Variants in DIAPH2 observed in about 807,000 individuals in gnomAD.
The protein encoded by DIAPH2 is diaphanous related formin 2, also known as protein diaphanous homolog 2.
DIAPH2 carries 35 observed loss-of-function variants against 92.7 expected under a neutral mutation model. The observed-to-expected ratio is 0.38, with a 90% CI of 0.29 to 0.50. DIAPH2 has a LOEUF of 0.50. Ranked by LOEUF, DIAPH2 falls within the 20% of genes least tolerant of loss-of-function variation. The pLI is 0.94. For synonymous variants in DIAPH2, 301 were observed against 280.4 expected (o/e 1.07, Z -0.73); for missense variants, 701 against 819.5 (o/e 0.86, Z 1.77).
At chrX:96,812,871 C>G (rs1378492901) in intron 4 of DIAPH2, among the ~76,000 whole-genome samples, 2 of 111,993 alleles carry the variant, frequency 1.8e-5, no homozygotes, top group African/African-American at 3.3e-5. Flanking sequence ...TTTGATTGCA[C>G]TGTGGTCGGA....
intron 26 of DIAPH2, among the ~76,000 whole-genome samples, chrX:97,537,755 A>G (rs1263118218): frequency 8.9e-6 from 1 of 112,167 alleles, no homozygotes; most frequent in Non-Finnish European, 1.9e-5. Context: ...GCCAGCAGCC[A>G]TGTGAATGGA....
chrX:97,430,731 A>G (rs754753455), intron 26 of DIAPH2, among the ~76,000 whole-genome samples: 13 of 112,497 alleles, frequency 1.2e-4, no homozygotes, highest in African/African-American at 3.5e-4. Context: ...AAACCATTGT[A>G]TTGCAACAAA....
At chrX:97,529,831 A>G (rs751347531) in intron 26 of DIAPH2, among the ~76,000 whole-genome samples, 2 of 112,120 alleles carry the variant, frequency 1.8e-5, no homozygotes, top group East Asian at 2.8e-4. Flanking sequence ...GGGAAAAAAA[A>G]ATAGCCAAAG....
chrX:97,165,527 T>G (rs2147445463), intron 22 of DIAPH2, among the ~76,000 whole-genome samples: 1 of 111,503 alleles, frequency 9.0e-6, no homozygotes, highest in South Asian at 3.8e-4. Flanking sequence ...AGAGTCTCGC[T>G]CTGTCACCTA....
At chrX:96,783,050 T>C (rs2064430567) in intron 4 of DIAPH2, among the ~76,000 whole-genome samples, 1 of 112,059 alleles carries the variant, frequency 8.9e-6, no homozygotes, top group African/African-American at 3.2e-5. Context: ...ATGCGTACGA[T>C]CAGTGAAATC....
intron 5 of DIAPH2, chrX:96,883,807 T>A (rs1302476332): frequency 8.6e-6 from 1 of 116,849 alleles, no homozygotes; most frequent in Non-Finnish European, 1.8e-5. Flanking sequence ...AAGCACTTTG[T>A]GCTCCTAAAA....
At chrX:97,399,358 T>C (rs2069733729) in intron 25 of DIAPH2, among the ~76,000 whole-genome samples, 1 of 111,598 alleles carries the variant, frequency 9.0e-6, no homozygotes, top group Admixed American at 9.5e-5. Flanking sequence ...ATTCAAGGAG[T>C]ACCCAGTTTT....
At chrX:97,450,582 C>T (rs903333924) in intron 26 of DIAPH2, among the ~76,000 whole-genome samples, 4 of 111,313 alleles carry the variant, frequency 3.6e-5, no homozygotes, top group African/African-American at 9.8e-5. Context: ...AGGCTGTTTT[C>T]GGTCTGAGAC....
intron 23 of DIAPH2, among the ~76,000 whole-genome samples, chrX:97,327,788 C>T (rs908218232): frequency 8.9e-6 from 1 of 112,008 alleles, no homozygotes; most frequent in Non-Finnish European, 1.9e-5. Flanking sequence ...GTTGGCCAGG[C>T]TGGTCTCAAA....
At chrX:97,399,579 A>C (rs760689834) in intron 25 of DIAPH2, among the ~76,000 whole-genome samples, 14 of 111,951 alleles carry the variant, frequency 1.3e-4, no homozygotes, top group Non-Finnish European at 2.3e-4. Flanking sequence ...TTGCACTGTC[A>C]TGCTCCTCCT....
At chrX:96,876,980 TA>T (rs1219468425) in intron 4 of DIAPH2, among the ~76,000 whole-genome samples, 1 of 111,706 alleles carries the variant, frequency 9.0e-6, no homozygotes, top group African/African-American at 3.2e-5. Flanking sequence ...GATTTTAATA[TA>T]TTTTTTATAT....
intron 22 of DIAPH2, among the ~76,000 whole-genome samples, chrX:97,224,072 T>TA (rs2067947299): frequency 8.9e-6 from 1 of 111,954 alleles, no homozygotes; most frequent in African/African-American, 3.2e-5. Context: ...CCCCAATTGT[T>TA]AATTGTCAGT....
intron 26 of DIAPH2, among the ~76,000 whole-genome samples, chrX:97,454,724 G>A (rs969764157): frequency 9.1e-6 from 1 of 110,278 alleles, no homozygotes; most frequent in Admixed American, 9.7e-5. Context: ...GTGTGGTGGT[G>A]CACGCCTGTA....
intron 17 of DIAPH2, among the ~76,000 whole-genome samples, chrX:96,995,638 T>C (rs2066099740): frequency 8.9e-6 from 1 of 111,736 alleles, no homozygotes; most frequent in South Asian, 3.7e-4. Context: ...AAGGAGACAG[T>C]TGACAAATGA....
At chrX:96,803,903 G>T (rs1276822560) in intron 4 of DIAPH2, among the ~76,000 whole-genome samples, 1 of 111,231 alleles carries the variant, frequency 9.0e-6, no homozygotes, top group Non-Finnish European at 1.9e-5. Flanking sequence ...GCCGGGCACG[G>T]TGGCACGCGC....
In DIAPH2 at chrX:97,228,988, T is replaced by A. The variant is rs757908862; in HGVS notation, c.2720-18727T>A. Among the ~76,000 whole-genome samples, 3 of 111,583 alleles carry A rather than the reference T, an allele frequency of 2.7e-5. No individual in the cohort carries two copies. The South Asian group carries it at 1.2e-3, about 44-fold the overall frequency. ...GTCCATCTATGTATAGCTGAGTCCA[T>A]GTGTGTGCCAAAAGGGCACAGGTGC... On this transcript the variant is annotated intron_variant, in intron 22 of 26. Transcript: ENST00000324765.
chrX:96,700,067 G>A lies in DIAPH2; in HGVS notation c.132+14877G>A, dbSNP rs778279212. On this transcript the variant is annotated intron_variant, in intron 1 of 26. Transcript: ENST00000324765. Reference sequence around the variant, plus strand: ...TCTACTGCCCAGGCTAGAGTGCAGTGGCGCAATCATGGCTCACTGCAGCCT... The same window carrying A: ...TCTACTGCCCAGGCTAGAGTGCAGTAGCGCAATCATGGCTCACTGCAGCCT... 1.3e-4 allele frequency among the ~76,000 whole-genome samples: 15 copies of A among 111,762 alleles called. No homozygotes were observed. In the East Asian group the frequency reaches 4.2e-3, roughly 32 times the overall value.
chrX:97,545,536 AT>A (rs376607759), intron 26 of DIAPH2, among the ~76,000 whole-genome samples: 1,430 of 71,910 alleles, frequency 0.02, 30 homozygotes, highest in African/African-American at 0.061. Flanking sequence ...AAAAAAAAAT[AT>A]ATATATATAT....
At chrX:97,372,139 T>C (rs2069453169) in intron 24 of DIAPH2, among the ~76,000 whole-genome samples, 1 of 112,359 alleles carries the variant, frequency 8.9e-6, no homozygotes, top group African/African-American at 3.2e-5. Context: ...TCTAATGGAC[T>C]GTGACGGGAG....
Sources: allele counts gnomAD v4.1 joint callset (sites outside exome capture counted in the v4.1 genomes callset), GRCh38; gene constraint gnomAD v4.1.1; transcripts MANE v1.5; gene names NCBI Gene and HGNC (gene_info 2026-07-23, HGNC 2026-07-21).